Variants in RBFOX1 observed in about 807,000 individuals in gnomAD.
The protein encoded by RBFOX1 is RNA binding protein fox-1 homolog 1.
In RBFOX1, 8 loss-of-function variants were observed where a neutral mutation model predicts 57.7. The ratio of observed to expected loss-of-function variants is 0.14; its 90% CI spans 0.08 to 0.25. The LOEUF is 0.25. RBFOX1 is among the 10% of genes least tolerant of loss of function. The pLI is 1.00. For missense variants in RBFOX1, 611 were observed against 548.5 expected (o/e 1.11, Z -1.14); for synonymous variants, 326 against 222.4 (o/e 1.47, Z -4.15).
intron 11 of RBFOX1, among the ~76,000 whole-genome samples, chr16:7,647,147 C>G (rs1483495831): frequency 6.6e-6 from 1 of 152,130 alleles, no homozygotes; most frequent in African/African-American, 2.4e-5. Context: ...TTCTTATTCC[C>G]AAGAACTGAG....
intron 2 of RBFOX1, among the ~76,000 whole-genome samples, chr16:5,587,880 A>G (rs571402933): frequency 1.3e-5 from 2 of 152,306 alleles, no homozygotes; most frequent in African/African-American, 2.4e-5. Context: ...AGAAGTATCA[A>G]CCTATGTCCT....
At chr16:6,831,077 T>A (rs1603629977) in intron 3 of RBFOX1, among the ~76,000 whole-genome samples, 2 of 152,340 alleles carry the variant, frequency 1.3e-5, no homozygotes, top group East Asian at 3.9e-4. Flanking sequence ...TCAACCTCCA[T>A]CTAAAGTAAA....
chr16:6,876,435 A>G (rs2061859518), intron 3 of RBFOX1, among the ~76,000 whole-genome samples: 1 of 152,192 alleles, frequency 6.6e-6, no homozygotes, highest in South Asian at 2.1e-4. Flanking sequence ...GTCACTCTTA[A>G]AAATGAAGTG....
At chr16:7,103,053 C>G (rs975630447) in intron 4 of RBFOX1, among the ~76,000 whole-genome samples, 13 of 145,248 alleles carry the variant, frequency 9.0e-5, no homozygotes, top group African/African-American at 2.8e-4. Flanking sequence ...ATTTAATTCC[C>G]TAATTCTATC....
intron 4 of RBFOX1, among the ~76,000 whole-genome samples, chr16:7,291,200 C>A (rs1336905827): frequency 1.3e-5 from 2 of 152,106 alleles, no homozygotes; most frequent in Admixed American, 1.3e-4. Flanking sequence ...TGTGCAGAAC[C>A]AGCTTAAAGC....
intron 11 of RBFOX1, among the ~76,000 whole-genome samples, chr16:7,648,478 C>T (rs2064216967): frequency 6.6e-6 from 1 of 152,144 alleles, no homozygotes; most frequent in Non-Finnish European, 1.5e-5. Context: ...CCACCTTGGC[C>T]TCCCAAAGTG....
At chr16:7,122,703 C>T (rs922466348) in intron 4 of RBFOX1, among the ~76,000 whole-genome samples, 1 of 152,084 alleles carries the variant, frequency 6.6e-6, no homozygotes, top group African/African-American at 2.4e-5. Context: ...TAGAGCCTAG[C>T]AATCCTACTC....
At chr16:7,383,589 C>G (rs559402015) in intron 4 of RBFOX1, among the ~76,000 whole-genome samples, 5 of 152,142 alleles carry the variant, frequency 3.3e-5, no homozygotes, top group Non-Finnish European at 7.3e-5. Flanking sequence ...ATTTCCCATT[C>G]TCCATGTTGA....
chr16:7,034,518 G>A (rs1356896279), intron 3 of RBFOX1, among the ~76,000 whole-genome samples: 1 of 152,124 alleles, frequency 6.6e-6, no homozygotes, highest in Non-Finnish European at 1.5e-5. Flanking sequence ...ACTTCAGAAA[G>A]ATGGATGGGA....
chr16:5,445,671 G>C (rs532045123), intron 1 of RBFOX1, among the ~76,000 whole-genome samples: 2 of 152,120 alleles, frequency 1.3e-5, no homozygotes, highest in African/African-American at 2.4e-5. Context: ...AGTCACTCTG[G>C]TGGGGCTGCC....
In RBFOX1 at chr16:6,944,492, A is replaced by G. The variant is rs534025614; in HGVS notation, c.-15-107565A>G. 3.3e-5 allele frequency among the ~76,000 whole-genome samples: 5 copies of G among 152,182 alleles called. No individual in the cohort carries two copies. The South Asian group carries it at 1.0e-3, about 32-fold the overall frequency. On this transcript the variant is annotated intron_variant, in intron 3 of 15. Coordinates refer to ENST00000550418, the MANE Select transcript of RBFOX1 (RefSeq NM_018723.4). ...TACATGACTTATCTCCACATAGGTG[A>G]CAGTGACTTTGGATCAGAGTGATAG...
chr16:6,009,414 A>T (rs961643541), intron 4 of RBFOX1, among the ~76,000 whole-genome samples: 1 of 152,062 alleles, frequency 6.6e-6, no homozygotes, highest in Non-Finnish European at 1.5e-5. Flanking sequence ...TCTGATGCCT[A>T]ATTTGTTTAT....
chr16:7,001,838 C>A (rs745958616), intron 3 of RBFOX1, among the ~76,000 whole-genome samples: 2 of 152,118 alleles, frequency 1.3e-5, no homozygotes, highest in Non-Finnish European at 2.9e-5. Flanking sequence ...ATTATTATTA[C>A]TTTAACTCTG....
intron 3 of RBFOX1, among the ~76,000 whole-genome samples, chr16:5,758,918 T>C (rs1440584878): frequency 6.6e-6 from 1 of 151,992 alleles, no homozygotes; most frequent in Non-Finnish European, 1.5e-5. Flanking sequence ...TTACCTCTTG[T>C]GTATATGCGA....
At chr16:6,336,952 T>A (rs1294852244) in intron 2 of RBFOX1, among the ~76,000 whole-genome samples, 1 of 152,186 alleles carries the variant, frequency 6.6e-6, no homozygotes, top group Non-Finnish European at 1.5e-5. Flanking sequence ...AAAATCACTG[T>A]TCGAGTTTTT....
chr16:6,922,581 T>C (rs1184811956), intron 3 of RBFOX1, among the ~76,000 whole-genome samples: 1 of 152,182 alleles, frequency 6.6e-6, no homozygotes, highest in Non-Finnish European at 1.5e-5. Flanking sequence ...TTTTCGTGTG[T>C]GTGGAATAAA....
At chr16:5,824,944 C>T (rs1395257137) in intron 3 of RBFOX1, among the ~76,000 whole-genome samples, 1 of 152,152 alleles carries the variant, frequency 6.6e-6, no homozygotes, top group South Asian at 2.1e-4. Flanking sequence ...GGGCTCTGTC[C>T]ATCTGGATTC....
intron 3 of RBFOX1, among the ~76,000 whole-genome samples, chr16:6,807,904 G>C (rs1188769020): frequency 6.7e-6 from 1 of 149,868 alleles, no homozygotes; most frequent in African/African-American, 2.5e-5. Flanking sequence ...TATTGTGTGT[G>C]TGTGTGTGTG....
chr16:6,068,004 T>A (rs1408969969), intron 1 of RBFOX1, among the ~76,000 whole-genome samples: 4 of 152,228 alleles, frequency 2.6e-5, no homozygotes, highest in South Asian at 2.1e-4. Flanking sequence ...ACACAGTCTT[T>A]CTATCAATAT....
Sources: allele counts gnomAD v4.1 joint callset (sites outside exome capture counted in the v4.1 genomes callset), GRCh38; gene constraint gnomAD v4.1.1; transcripts MANE v1.5; gene names NCBI Gene and HGNC (gene_info 2026-07-23, HGNC 2026-07-21).